MAP2K5: variants seen among roughly 807,000 people sequenced by gnomAD.
MAP2K5 encodes mitogen-activated protein kinase kinase 5.
Under a neutral mutation model 83.1 loss-of-function variants are expected in MAP2K5, and 49 were observed. The observed-to-expected ratio is 0.59, with a 90% CI of 0.47 to 0.75. The LOEUF is 0.75. MAP2K5 is among the 30% of genes least tolerant of loss of function. The pLI, the probability that MAP2K5 is intolerant of heterozygous loss-of-function variation, is 0.00. For synonymous variants in MAP2K5, 202 were observed against 191.8 expected (o/e 1.05, Z -0.44); for missense variants, 457 against 557.5 (o/e 0.82, Z 1.82).
chr15:67,547,455 C>CAT (rs1210687618), intron 1 of MAP2K5, among the ~76,000 whole-genome samples: 3 of 128,762 alleles, frequency 2.3e-5, no homozygotes, highest in African/African-American at 8.7e-5. Context: ...TTTCTTTTTT[C>CAT]TTTTTTTTTT....
Position 67,769,479 on chromosome 15 carries a change from G to T in MAP2K5, c.1135-123G>T. 1 of 778,896 alleles carries T rather than the reference G, an allele frequency of 1.3e-6. No individual in the cohort carries two copies. Among genetic ancestry groups the T allele is most frequent in the Non-Finnish European group, 2.1e-6 (1 of 468,560 alleles). The allele number at this position is 778,896 out of a possible 1,614,324, so 48.2% of individuals were successfully genotyped here. A position where few individuals can be genotyped will look rare whatever the true frequency, so the allele number is the denominator to read the frequency against. On this transcript the variant is annotated intron_variant, in intron 19 of 21. Coordinates refer to ENST00000178640, the MANE Select transcript of MAP2K5 (RefSeq NM_145160.3). The surrounding 1 kb of genome is among the most constrained non-coding windows in gnomAD (Gnocchi z 5.2). Reference sequence around the variant, plus strand: ...TAAGGTAAAGACAGTCTTTTTAATTGGGTGAGGCCTTATTCTCATTGTATT... The same window carrying T: ...TAAGGTAAAGACAGTCTTTTTAATTTGGTGAGGCCTTATTCTCATTGTATT...
intron 4 of MAP2K5, among the ~76,000 whole-genome samples, chr15:67,585,520 C>T (rs985377131): frequency 6.6e-6 from 1 of 152,148 alleles, no homozygotes; most frequent in Non-Finnish European, 1.5e-5. Flanking sequence ...AAAAAAATCC[C>T]TTAGCTCTTT....
intron 21 of MAP2K5, among the ~76,000 whole-genome samples, chr15:67,805,274 G>A (rs761055446): frequency 5.3e-5 from 8 of 152,160 alleles, no homozygotes; most frequent in Non-Finnish European, 1.0e-4. Context: ...GGTTGGGGGC[G>A]GGCACTGCAT....
intron 16 of MAP2K5, among the ~76,000 whole-genome samples, chr15:67,725,236 C>CTT (rs3837737): frequency 2.0e-5 from 3 of 152,024 alleles, no homozygotes; most frequent in Admixed American, 1.3e-4. Context: ...ATCAGCCATC[C>CTT]TTTTTTACCT....
intron 13 of MAP2K5, among the ~76,000 whole-genome samples, chr15:67,672,861 G>C (rs2087579550): frequency 6.6e-6 from 1 of 151,568 alleles, no homozygotes; most frequent in Admixed American, 6.6e-5. Context: ...AAGGGATCCA[G>C]TTTCAGTTTT....
chr15:67,675,277 G>A (rs560687622), intron 13 of MAP2K5, among the ~76,000 whole-genome samples: 5 of 152,172 alleles, frequency 3.3e-5, no homozygotes, highest in Admixed American at 6.5e-5. Context: ...AGAAAGGAGC[G>A]AACTGTTGAT....
Position 67,562,886 on chromosome 15 carries a change from G to A in MAP2K5, c.185-397G>A, listed in dbSNP as rs1462554445. 6.6e-6 allele frequency among the ~76,000 whole-genome samples: 1 copy of A among 152,134 alleles called. No individual in the cohort carries two copies. Among genetic ancestry groups the A allele is most frequent in the African/African-American group, 2.4e-5 (1 of 41,424 alleles). ...GCTGTTGTGAGATGATAGATTGCCT[G>A]GGAGAGAGGAAGAATGGAGAAATCG... is the stretch of plus-strand genomic sequence containing the variant. On this transcript the variant is annotated intron_variant, in intron 2 of 21. Transcript: ENST00000178640. The surrounding 1 kb of genome is among the most constrained non-coding windows in gnomAD (Gnocchi z 4.1).
chr15:67,706,954 C>T (rs180997304), intron 16 of MAP2K5, among the ~76,000 whole-genome samples: 12 of 152,276 alleles, frequency 7.9e-5, no homozygotes, highest in Admixed American at 1.3e-4. Context: ...CTTGCTCTGT[C>T]GCCCAGGCTG....
In MAP2K5 at chr15:67,782,723, C is replaced by A. The variant is rs1472946063; in HGVS notation, c.1242+9971C>A. On this transcript the variant is annotated intron_variant, in intron 21 of 21. Coordinates refer to ENST00000178640, the MANE Select transcript of MAP2K5 (RefSeq NM_145160.3). The surrounding 1 kb of genome is among the most constrained non-coding windows in gnomAD (Gnocchi z 4.9). ...ACTTTTTTTTTAAGCCACAGCTTTG[C>A]CTCTGGAATACTCTCGCTCTAACTC... Among the ~76,000 whole-genome samples, 1 of 152,170 alleles carries A rather than the reference C, an allele frequency of 6.6e-6. No individual in the cohort carries two copies. Among genetic ancestry groups the A allele is most frequent in the East Asian group, 1.9e-4 (1 of 5,198 alleles).
In MAP2K5 at chr15:67,717,536, G is replaced by A. The variant is rs774721418; in HGVS notation, c.1045-10380G>A. On this transcript the variant is annotated intron_variant, in intron 16 of 21. Coordinates refer to ENST00000178640, the MANE Select transcript of MAP2K5 (RefSeq NM_145160.3). This position sits in a 1 kb window ranked among gnomAD's most constrained non-coding sequence, Gnocchi z 4.1. ...TGGGCTGACATGAGTGTCAGAGAAA[G>A]CATTTCAGTTATTGATTACTGCTTA... 5.3e-5 allele frequency among the ~76,000 whole-genome samples: 8 copies of A among 152,144 alleles called. No homozygotes were observed. Among genetic ancestry groups the A allele is most frequent in the Non-Finnish European group, 4.4e-5 (3 of 68,014 alleles).
chr15:67,703,824 A>G (rs2088481548), intron 16 of MAP2K5, among the ~76,000 whole-genome samples: 2 of 152,196 alleles, frequency 1.3e-5, no homozygotes, highest in Non-Finnish European at 1.5e-5. Flanking sequence ...GTAACTTCCA[A>G]CGGTGATTAG....
chr15:67,721,427 G>A (rs1199367992), intron 16 of MAP2K5, among the ~76,000 whole-genome samples: 8 of 152,102 alleles, frequency 5.3e-5, no homozygotes, highest in Non-Finnish European at 1.2e-4. Context: ...CTCACATTTA[G>A]GCTCTTTCTA....
chr15:67,670,363 G>A (rs1247269849), intron 13 of MAP2K5: 2 of 454,158 alleles, frequency 4.4e-6, no homozygotes, highest in Non-Finnish European at 8.9e-6. Flanking sequence ...TTGGTATGTT[G>A]GAAATGTTCT....
intron 7 of MAP2K5, among the ~76,000 whole-genome samples, chr15:67,594,826 A>G (rs576027706): frequency 2.0e-5 from 3 of 152,238 alleles, no homozygotes; most frequent in African/African-American, 7.2e-5. Context: ...AAAAACCAAA[A>G]AAACCCACCT....
At position 67,688,719 on chromosome 15, in the gene MAP2K5, C is replaced by T. The variant is rs576308292; in HGVS notation, c.848-3760C>T. 7.4e-4 allele frequency among the ~76,000 whole-genome samples: 113 copies of T among 152,310 alleles called. 1 individual carries two copies. The highest frequency in any genetic ancestry group is 2.6e-3 in the African/African-American group (110 of 41,568). On this transcript the variant is annotated intron_variant, in intron 13 of 21. Transcript: ENST00000178640. ...TATCTCATCTAATCCTCACAGTTCT[C>T]TAATATTGACAAGGTAACTGTTATC...
rs2090270789 is a variant in MAP2K5 at position 67,778,153 on chromosome 15, T to TGTTAC, written c.1242+5401_1242+5402insGTTAC. Among the ~76,000 whole-genome samples the TGTTAC allele has an allele frequency of 6.6e-6, 1 of 152,218 alleles. No homozygotes were observed. ...TGCTCTAGAAAAATCTGTTTAAACA[T>TGTTAC]TTAATTACTTACTAAGAGATGTTAA... On this transcript the variant is annotated intron_variant, in intron 21 of 21. Transcript: ENST00000178640. The surrounding 1 kb of genome is among the most constrained non-coding windows in gnomAD (Gnocchi z 5.0).
intron 4 of MAP2K5, among the ~76,000 whole-genome samples, chr15:67,583,076 C>T (rs2085216789): frequency 6.6e-6 from 1 of 152,134 alleles, no homozygotes; most frequent in Non-Finnish European, 1.5e-5. Flanking sequence ...CTGTAATCCT[C>T]CTGATAGTTC....
intron 2 of MAP2K5, among the ~76,000 whole-genome samples, chr15:67,556,620 C>T (rs2084632281): frequency 6.7e-6 from 1 of 148,202 alleles, no homozygotes; most frequent in African/African-American, 2.5e-5. Context: ...GGCATGATCT[C>T]AGCTCACTGC....
At chr15:67,593,541 A>G (rs150288510) in intron 7 of MAP2K5, among the ~76,000 whole-genome samples, 1,943 of 152,348 alleles carry the variant, frequency 0.013, 18 homozygotes, top group Non-Finnish European at 0.018. Context: ...TGATTCAAGT[A>G]AATGGACACA....
Sources: gnomAD v4.1 joint callset for allele counts (sites outside exome capture counted in the v4.1 genomes callset) on GRCh38, gnomAD v4.1.1 for gene constraint, Gnocchi (gnomAD v3.1) non-coding constraint, MANE v1.5 for transcripts, NCBI Gene and HGNC (gene_info 2026-07-23, HGNC 2026-07-21) for gene names.